DNAH7: variants seen among roughly 807,000 people sequenced by gnomAD.
DNAH7 encodes the protein dynein axonemal heavy chain 7, also known as axonemal beta dynein heavy chain 7.
Under a neutral mutation model 444.6 loss-of-function variants are expected in DNAH7, and 397 were observed. The observed-to-expected ratio is 0.89, with a 90% CI of 0.82 to 0.97. The LOEUF (loss-of-function observed/expected upper bound fraction) is 0.97. Ranked by LOEUF, DNAH7 falls within the 50% of genes least tolerant of loss-of-function variation. The pLI is 0.00. For synonymous variants in DNAH7, 1,636 were observed against 1,624.4 expected (o/e 1.01, Z -0.17); for missense variants, 4,902 against 4,800.8 (o/e 1.02, Z -0.62).
chr2:195,799,390 G>A lies in DNAH7; in HGVS notation c.10259C>T (p.Ala3420Val), dbSNP rs1346786063. 11 of 1,612,006 alleles carry A rather than the reference G, an allele frequency of 6.8e-6. No individual in the cohort carries two copies. The highest frequency in any genetic ancestry group is 8.5e-6 in the Non-Finnish European group (10 of 1,179,034). ...IEPPPFDLAK[A>V]FGDSNCCAPL... ...TGCACAGCAGTTACTGTCTCCAAAT[G>A]CCTTGGCTAAATCAAAGGGGGGTGG... The change falls in exon 55 of 65, where the codon GCA (alanine) becomes GTA (valine). Residue 3420 changes from alanine to valine, a missense_variant. Coordinates refer to ENST00000312428, the MANE Select transcript of DNAH7 (RefSeq NM_018897.3).
chr2:195,888,455 A>G lies in DNAH7; in HGVS notation c.5230-21T>C, dbSNP rs747530208. 25 of 1,571,894 alleles carry G rather than the reference A, an allele frequency of 1.6e-5. No individual in the cohort carries two copies. In the South Asian group the frequency reaches 2.9e-4, roughly 18 times the overall value. ...GAAACCTGGAAAGCCATAATTGGTT[A>G]CCATCAAGGTAATAATGCTTATAAA... On this transcript the variant is annotated intron_variant, in intron 32 of 64. Coordinates refer to ENST00000312428, the MANE Select transcript of DNAH7 (RefSeq NM_018897.3).
intron 57 of DNAH7, among the ~76,000 whole-genome samples, chr2:195,793,237 C>A (rs1574444146): frequency 6.6e-6 from 1 of 152,096 alleles, no homozygotes; most frequent in Non-Finnish European, 1.5e-5. Context: ...ATGCCTGGCC[C>A]TTGTACTATT....
chr2:195,802,988 T>C (rs1278932458), intron 54 of DNAH7, among the ~76,000 whole-genome samples: 1 of 152,232 alleles, frequency 6.6e-6, no homozygotes, highest in Non-Finnish European at 1.5e-5. Flanking sequence ...ATTTCACATA[T>C]GATAAATGTT....
intron 1 of DNAH7, among the ~76,000 whole-genome samples, chr2:196,060,174 A>G (rs967351246): frequency 2.0e-5 from 3 of 152,072 alleles, no homozygotes; most frequent in African/African-American, 7.2e-5. Context: ...GCCAAGATTG[A>G]GCCACTGCAC....
intron 4 of DNAH7, 49 bp from the exon 5 acceptor site, chr2:196,047,548 G>A (rs778046945): frequency 2.1e-6 from 3 of 1,414,880 alleles, no homozygotes; most frequent in Non-Finnish European, 2.8e-6. Flanking sequence ...TAAAAGGTAA[G>A]CTAAAGCATT....
chr2:195,892,335 G>C (rs543391520), intron 30 of DNAH7: 1 of 152,112 alleles, frequency 6.6e-6, no homozygotes, highest in East Asian at 1.9e-4. Flanking sequence ...ACCTCTGAGA[G>C]AAAATTAAAA....
intron 63 of DNAH7, among the ~76,000 whole-genome samples, chr2:195,749,605 G>A (rs1373965090): frequency 3.3e-5 from 5 of 151,318 alleles, no homozygotes; most frequent in Non-Finnish European, 5.9e-5. Flanking sequence ...ATGATAGACT[G>A]GATTAAGAAA....
At chr2:196,056,052 A>T (rs1697781705) in intron 2 of DNAH7, among the ~76,000 whole-genome samples, 1 of 152,218 alleles carries the variant, frequency 6.6e-6, no homozygotes, top group Non-Finnish European at 1.5e-5. Context: ...ATGTCAGAAA[A>T]ATCATCTGGC....
Position 195,738,028 on chromosome 2 carries a change from T to G in DNAH7, c.11968A>C (p.Thr3990Pro). 1 of 1,614,024 alleles carries G rather than the reference T, an allele frequency of 6.2e-7. No individual in the cohort carries two copies. The highest frequency in any genetic ancestry group is 8.5e-7 in the Non-Finnish European group (1 of 1,179,910). The change falls in exon 65 of 65, where the codon ACT becomes CCT. Residue 3990 changes from threonine to proline, a missense_variant. Physicochemically the swap from Thr to Pro is conservative, Grantham distance 38. Coordinates refer to ENST00000312428, the MANE Select transcript of DNAH7 (RefSeq NM_018897.3). ...TSERRGVLSTTGHSTNFVIAM... is the reference protein window; with the variant it reads ...TSERRGVLSTPGHSTNFVIAM... Reference sequence around the variant, plus strand: ...ATCACAAAATTCGTGGAATGGCCAGTGGTGGATAATACTCCTCTCCGCTCA... The same window carrying G: ...ATCACAAAATTCGTGGAATGGCCAGGGGTGGATAATACTCCTCTCCGCTCA...
At chr2:195,745,743 C>A (rs1693361029) in intron 63 of DNAH7, among the ~76,000 whole-genome samples, 1 of 152,156 alleles carries the variant, frequency 6.6e-6, no homozygotes, top group African/African-American at 2.4e-5. Context: ...TCATATCCAG[C>A]CAAACTAAGC....
At chr2:196,065,584 C>CA (rs927353989) in intron 1 of DNAH7, among the ~76,000 whole-genome samples, 1 of 152,022 alleles carries the variant, frequency 6.6e-6, no homozygotes, top group Non-Finnish European at 1.5e-5. Context: ...AGGAATTATC[C>CA]AAAAAAGGCA....
chr2:195,783,209 T>C (rs560273852), intron 58 of DNAH7, among the ~76,000 whole-genome samples: 1 of 152,346 alleles, frequency 6.6e-6, no homozygotes, highest in South Asian at 2.1e-4. Context: ...ATCCATTGTA[T>C]CTCTACCATG....
intron 46 of DNAH7, among the ~76,000 whole-genome samples, chr2:195,851,735 G>A (rs2125037946): frequency 6.6e-6 from 1 of 152,278 alleles, no homozygotes; most frequent in South Asian, 2.1e-4. Flanking sequence ...ACTGGGTAGT[G>A]CTAATACACT....
chr2:195,865,603 T>C (rs1049875366), intron 40 of DNAH7, among the ~76,000 whole-genome samples: 2 of 152,178 alleles, frequency 1.3e-5, no homozygotes, highest in African/African-American at 4.8e-5. Context: ...TCCGGTTATA[T>C]GCACATGTTA....
rs764238805 is a variant in DNAH7 at position 195,771,837 on chromosome 2, G to A, written c.11256C>T (p.Val3752=). ...AKSSDEVVNE[V]ASDILGKLPN... ...GAAGTTTGCCCAAGATGTCACTAGC[G>A]ACCTCATTCACTACTTCATCTGATG... Residue 3752 remains valine, a synonymous_variant, in exon 61 of 65, where the codon GTC becomes GTT. Coordinates refer to ENST00000312428, the MANE Select transcript of DNAH7 (RefSeq NM_018897.3). 4 of 1,614,136 alleles carry A rather than the reference G, an allele frequency of 2.5e-6. No homozygotes were observed. The highest frequency in any genetic ancestry group is 1.3e-5 in the African/African-American group (1 of 75,042).
intron 19 of DNAH7, among the ~76,000 whole-genome samples, chr2:195,950,924 T>C (rs1690207907): frequency 6.7e-6 from 1 of 150,256 alleles, no homozygotes; most frequent in Non-Finnish European, 1.5e-5. Context: ...GTTTTTTGTG[T>C]CTCTATCTCC....
At chr2:196,030,693 C>T (rs566468720) in intron 5 of DNAH7, among the ~76,000 whole-genome samples, 2 of 152,334 alleles carry the variant, frequency 1.3e-5, no homozygotes, top group South Asian at 4.1e-4. Context: ...AGAGCCCATT[C>T]AAGTCCGAAA....
Position 195,873,558 on chromosome 2 carries a change from G to T in DNAH7, c.6413+10C>A, listed in dbSNP as rs757550037. 3.9e-6 allele frequency: 5 copies of T among 1,291,070 alleles called. No homozygotes were observed. Among genetic ancestry groups the T allele is most frequent in the South Asian group, 2.2e-5 (1 of 45,816 alleles). The allele number at this position is 1,291,070 out of a possible 1,614,324, so 80.0% of individuals were successfully genotyped here. A position where few individuals can be genotyped will look rare whatever the true frequency, so the allele number is the denominator to read the frequency against. ...CCTAATTAAAAAAAAAACAAATTTT[G>T]ATTACTTACCAGATTTCTAAATGCC... On this transcript the variant is annotated intron_variant, in intron 39 of 64. Coordinates refer to ENST00000312428, the MANE Select transcript of DNAH7 (RefSeq NM_018897.3).
At chr2:195,950,619 C>T (rs998612158) in intron 19 of DNAH7, among the ~76,000 whole-genome samples, 7 of 151,896 alleles carry the variant, frequency 4.6e-5, no homozygotes, top group Admixed American at 3.3e-4. Context: ...GAGGCTGAAG[C>T]GGGCAGATCA....
Sources: allele counts gnomAD v4.1 joint callset (sites outside exome capture counted in the v4.1 genomes callset), GRCh38; gene constraint gnomAD v4.1.1; transcripts MANE v1.5; gene names NCBI Gene and HGNC (gene_info 2026-07-23, HGNC 2026-07-21).